SHC4: variants seen among roughly 807,000 people sequenced by gnomAD.
SHC4 encodes SHC adaptor protein 4.
Under a neutral mutation model 69.4 loss-of-function variants are expected in SHC4, and 41 were observed. That is an observed-to-expected ratio of 0.59 (90% CI 0.46 to 0.77). The LOEUF (loss-of-function observed/expected upper bound fraction) is 0.77, where lower values mean the gene tolerates loss of function less well. Ranked by LOEUF, SHC4 falls within the 30% of genes least tolerant of loss-of-function variation. The probability of loss-of-function intolerance (pLI) is 0.00; values close to 1 mark genes in which losing one functional copy is unlikely to be tolerated. For synonymous variants in SHC4, 318 were observed against 299.3 expected (o/e 1.06, Z -0.64); for missense variants, 777 against 783.8 (o/e 0.99, Z 0.10).
chr15:48,829,324 T>C (rs1476045484), intron 11 of SHC4, among the ~76,000 whole-genome samples: 3 of 152,176 alleles, frequency 2.0e-5, no homozygotes, highest in African/African-American at 4.8e-5. Context: ...TTATTGAAAG[T>C]GGAGCATTAA....
chr15:48,961,514 G>A (rs1040316183), intron 1 of SHC4, among the ~76,000 whole-genome samples: 3 of 151,898 alleles, frequency 2.0e-5, no homozygotes. Context: ...TCCTATTCTT[G>A]GCCTACCAGG....
intron 7 of SHC4, among the ~76,000 whole-genome samples, chr15:48,857,490 G>T (rs1899346304): frequency 6.6e-6 from 1 of 151,978 alleles, no homozygotes; most frequent in Admixed American, 6.6e-5. Context: ...AAAGCAAGAG[G>T]ATATAACTGG....
chr15:48,896,357 G>T (rs1402657122), intron 2 of SHC4, among the ~76,000 whole-genome samples: 2 of 136,506 alleles, frequency 1.5e-5, no homozygotes, highest in South Asian at 4.5e-4. Context: ...GTCTCACTCT[G>T]TCGGCCAGGC....
At chr15:48,850,741 A>C (rs1342562070) in intron 9 of SHC4, among the ~76,000 whole-genome samples, 1 of 152,192 alleles carries the variant, frequency 6.6e-6, no homozygotes, top group Non-Finnish European at 1.5e-5. Context: ...CAAGCTCCTA[A>C]ATGAGATTCT....
chr15:48,918,302 G>A (rs1900669861), intron 2 of SHC4, among the ~76,000 whole-genome samples: 1 of 152,108 alleles, frequency 6.6e-6, no homozygotes, highest in Non-Finnish European at 1.5e-5. Context: ...TTTGAGTGTG[G>A]TGTCCATAGG....
chr15:48,915,127 A>G (rs1900594812), intron 2 of SHC4, among the ~76,000 whole-genome samples: 1 of 152,246 alleles, frequency 6.6e-6, no homozygotes, highest in Non-Finnish European at 1.5e-5. Flanking sequence ...CTTATCAGAT[A>G]TATGATTTTC....
intron 2 of SHC4, among the ~76,000 whole-genome samples, chr15:48,897,804 G>T (rs1386890459): frequency 7.5e-6 from 1 of 134,112 alleles, no homozygotes; most frequent in African/African-American, 2.9e-5. Flanking sequence ...CACATATGCA[G>T]TGAAGGAGTA....
At chr15:48,950,033 AT>A (rs1901341281) in intron 1 of SHC4, among the ~76,000 whole-genome samples, 1 of 142,576 alleles carries the variant, frequency 7.0e-6, no homozygotes, top group Non-Finnish European at 1.5e-5. Context: ...AATAAATAAT[AT>A]AAATATAATA....
intron 6 of SHC4, among the ~76,000 whole-genome samples, chr15:48,864,664 G>T (rs533790299): frequency 9.9e-5 from 15 of 151,884 alleles, no homozygotes; most frequent in Admixed American, 2.6e-4. Context: ...AGCCAGGATG[G>T]TCTCCATCTC....
intron 5 of SHC4, 132 bp downstream of exon 5, chr15:48,871,957 A>G (rs1370372144): frequency 1.6e-6 from 1 of 618,074 alleles, no homozygotes; most frequent in African/African-American, 1.9e-5. Flanking sequence ...AGACTGTAAT[A>G]GTATGTTAGG....
At chr15:48,876,354 T>C (rs1428828077) in intron 4 of SHC4, among the ~76,000 whole-genome samples, 1 of 152,172 alleles carries the variant, frequency 6.6e-6, no homozygotes, top group African/African-American at 2.4e-5. Context: ...TGGTGCATGA[T>C]CACCTATCTC....
Position 48,857,815 on chromosome 15 carries a change from G to A in SHC4, c.947C>T (p.Ala316Val), listed in dbSNP as rs751794591. The A allele has an allele frequency of 1.3e-6, 2 of 1,515,042 alleles. No individual in the cohort carries two copies. Among genetic ancestry groups the A allele is most frequent in the Admixed American group, 2.1e-5 (1 of 46,952 alleles). The allele number at this position is 1,515,042 out of a possible 1,614,324, so 93.8% of individuals were successfully genotyped here. The part of the protein sequence containing the change: ...YVAKDPVNQR[A>V]CHILECHNGM... ...ATTGTGGCATTCCAATATGTGACAG[G>A]CTGCAAGAGGACATACAAAAAATAA... The change falls in exon 7 of 12, where the codon GCC becomes GTC. Residue 316 changes from alanine (A) to valine (V), a missense_variant and splice_region_variant. By Grantham distance (64) the Ala-to-Val change is moderately conservative (BLOSUM62 0). Coordinates refer to ENST00000332408, the MANE Select transcript of SHC4 (RefSeq NM_203349.4).
intron 6 of SHC4, among the ~76,000 whole-genome samples, chr15:48,865,418 A>C (rs751544618): frequency 6.6e-6 from 1 of 152,234 alleles, no homozygotes; most frequent in Non-Finnish European, 1.5e-5. Flanking sequence ...TTTAAAGCCA[A>C]GAAAACTACC....
Position 48,922,821 on chromosome 15 carries a change from G to A in SHC4, c.656+2058C>T, listed in dbSNP as rs568806254. 3.7e-4 allele frequency among the ~76,000 whole-genome samples: 56 copies of A among 152,252 alleles called. No homozygotes were observed. In the South Asian group the frequency reaches 0.01, roughly 28 times the overall value. ...CAAGATTAAGAATCTTCAAAATGGA[G>A]TAAACCCTGAAATATGTCCATCAAA... On this transcript the variant is annotated intron_variant, in intron 2 of 11. Transcript: ENST00000332408.
chr15:48,841,846 T>C (rs1898994455), intron 10 of SHC4, among the ~76,000 whole-genome samples: 1 of 152,222 alleles, frequency 6.6e-6, no homozygotes, highest in Non-Finnish European at 1.5e-5. Context: ...AGGGATCACT[T>C]GTCACCTGGC....
At position 48,824,631 on chromosome 15, in the gene SHC4, A is replaced by G. The variant is rs1477511309; in HGVS notation, c.*1340T>C. On this transcript the variant is annotated 3_prime_UTR_variant, in exon 12 of 12. Transcript: ENST00000332408. ...GACACAGACTATAGAAGAAAAGCTT[A>G]ATTTTTTACCTTAACTATACAGACT... 1 of 152,192 alleles carries G rather than the reference A, an allele frequency of 6.6e-6. No individual in the cohort carries two copies. Among genetic ancestry groups the G allele is most frequent in the Non-Finnish European group, 1.5e-5 (1 of 68,018 alleles). The allele number at this position is 152,192 out of a possible 1,614,324, so 9.4% of individuals were successfully genotyped here. A position where few individuals can be genotyped will look rare whatever the true frequency, so the allele number is the denominator to read the frequency against.
chr15:48,828,136 C>CAT (rs1567046716), intron 11 of SHC4, among the ~76,000 whole-genome samples: 1 of 144,126 alleles, frequency 6.9e-6, no homozygotes, highest in African/African-American at 2.6e-5. Context: ...TATATATATA[C>CAT]ATCTGTTATG....
At chr15:48,904,945 ACAC>A (rs1900382543) in intron 2 of SHC4, among the ~76,000 whole-genome samples, 1 of 124,062 alleles carries the variant, frequency 8.1e-6, no homozygotes, top group African/African-American at 3.0e-5. Context: ...GACACAACAC[ACAC>A]ACACACACAC....
chr15:48,877,939 C>A, intron 4 of SHC4: 1 of 475,040 alleles, frequency 2.1e-6, no homozygotes, highest in Non-Finnish European at 3.7e-6. Flanking sequence ...CATGCAGGGT[C>A]CCTAGATACG....
Sources: allele counts gnomAD v4.1 joint callset (sites outside exome capture counted in the v4.1 genomes callset), GRCh38; gene constraint gnomAD v4.1.1; transcripts MANE v1.5; gene names NCBI Gene and HGNC (gene_info 2026-07-23, HGNC 2026-07-21).